The following KANSL1 variants were observed in gnomAD, a reference collection of about 807,000 sequenced individuals.
The protein encoded by KANSL1 is KAT8 regulatory NSL complex subunit 1.
A neutral mutation model predicts 103.6 loss-of-function variants in KANSL1; 22 were observed. The observed-to-expected ratio is 0.21, with a 90% CI of 0.15 to 0.30. The LOEUF is 0.30. Ranked by LOEUF, KANSL1 falls within the 10% of genes least tolerant of loss-of-function variation. The pLI, the probability that KANSL1 is intolerant of heterozygous loss-of-function variation, is 1.00. For synonymous variants in KANSL1, 600 were observed against 527.6 expected (o/e 1.14, Z -1.88); for missense variants, 1,337 against 1,399.8 (o/e 0.96, Z 0.72).
At chr17:46,146,750 G>A (rs1407556400) in intron 2 of KANSL1, among the ~76,000 whole-genome samples, 2 of 115,334 alleles carry the variant, frequency 1.7e-5, no homozygotes, top group Non-Finnish European at 4.5e-5. Context: ...GGAGAATGGC[G>A]TGAACCCGGG....
At chr17:46,143,520 A>C (rs1474941105) in intron 2 of KANSL1, among the ~76,000 whole-genome samples, 5 of 150,120 alleles carry the variant, frequency 3.3e-5, no homozygotes, top group Non-Finnish European at 5.9e-5. Flanking sequence ...AAATAAATAA[A>C]AAGGCCGGGC....
At chr17:46,130,187 C>CAAAAAAAAAA (rs35017603) in intron 2 of KANSL1, among the ~76,000 whole-genome samples, 14 of 75,468 alleles carry the variant, frequency 1.9e-4, no homozygotes, top group Non-Finnish European at 2.7e-4. Context: ...ATCCTGTCTC[C>CAAAAAAAAAA]AAAAAAAAAA....
chr17:46,206,786 C>T (rs1196239971), intron 1 of KANSL1, among the ~76,000 whole-genome samples: 1 of 152,130 alleles, frequency 6.6e-6, no homozygotes, highest in Admixed American at 6.5e-5. Context: ...ACATCAAAAC[C>T]ACATGCAACA....
At chr17:46,189,654 C>G (rs1054153310) in intron 1 of KANSL1, among the ~76,000 whole-genome samples, 1 of 152,114 alleles carries the variant, frequency 6.6e-6, no homozygotes, top group Non-Finnish European at 1.5e-5. Context: ...GAGGCCGAGG[C>G]AGGTGGATCA....
intron 4 of KANSL1, among the ~76,000 whole-genome samples, chr17:46,069,429 T>C (rs565230900): frequency 2.0e-5 from 3 of 152,176 alleles, no homozygotes; most frequent in African/African-American, 7.2e-5. Context: ...AACCTGAAAG[T>C]AGTCCTAGAC....
chr17:46,046,581 T>C lies in KANSL1; in HGVS notation c.2020+3952A>G, dbSNP rs2077515824. Among the ~76,000 whole-genome samples the C allele has an allele frequency of 2.1e-5, 3 of 143,440 alleles. No homozygotes were observed. In the South Asian group the frequency reaches 6.6e-4, roughly 31 times the overall value. 94.1% of individuals were successfully genotyped at this position (143,440 alleles called of 152,430 possible). On this transcript the variant is annotated intron_variant, in intron 7 of 14. Transcript: ENST00000432791. ...AGCCAGGTGCGGTGGCTCATGCTTG[T>C]AATCCCAGCACTTTGGGAGGCCAAG... is the stretch of plus-strand genomic sequence containing the variant.
In KANSL1 at chr17:46,158,407, G is replaced by A. The variant is rs188808920; in HGVS notation, c.1289+12448C>T. ...GACAGTCTCGCTCAGTCGCCCAGCT[G>A]GAGTGCGGTGGCACGATCGATCTCG... On this transcript the variant is annotated intron_variant, in intron 2 of 14. Transcript: ENST00000432791. Among the ~76,000 whole-genome samples, 218 of 150,652 alleles carry A rather than the reference G, an allele frequency of 1.4e-3. 1 individual carries two copies. Among genetic ancestry groups the A allele is most frequent in the African/African-American group, 5.1e-3 (210 of 40,824 alleles).
At chr17:46,058,731 ACACACACACACACTCT>A (rs1190238546) in intron 6 of KANSL1, among the ~76,000 whole-genome samples, 9 of 87,094 alleles carry the variant, frequency 1.0e-4, no homozygotes, top group Middle Eastern at 5.6e-3. Flanking sequence ...ACACACACAC[ACACACACACACACTCT>A]CTCTCTCTCT....
At chr17:46,122,399 A>G (rs1418961332) in intron 2 of KANSL1, among the ~76,000 whole-genome samples, 1 of 152,250 alleles carries the variant, frequency 6.6e-6, no homozygotes, top group Admixed American at 6.5e-5. Flanking sequence ...TCATAAAGAT[A>G]AAGATGCATT....
Position 46,213,677 on chromosome 17 carries a change from G to A in KANSL1, c.-90+9994C>T, listed in dbSNP as rs541245868. ...CACACCTGTAATCCCAGTACTTTGT[G>A]GAGGCCGAGGTGGGTGGATCACCTG... On this transcript the variant is annotated intron_variant, in intron 1 of 14. Coordinates refer to the KANSL1 transcript ENST00000572904. 9.9e-5 allele frequency among the ~76,000 whole-genome samples: 15 copies of A among 151,848 alleles called. No individual in the cohort carries two copies. The South Asian group carries it at 2.9e-3, about 29-fold the overall frequency.
At chr17:46,050,947 T>A (rs1489767258) in intron 6 of KANSL1, among the ~76,000 whole-genome samples, 1 of 152,354 alleles carries the variant, frequency 6.6e-6, no homozygotes, top group East Asian at 1.9e-4. Context: ...TGATGAAATC[T>A]AACTACTTGA....
At chr17:46,139,296 C>CCAAAA (rs1555563205) in intron 2 of KANSL1, among the ~76,000 whole-genome samples, 2 of 139,474 alleles carry the variant, frequency 1.4e-5, no homozygotes, top group Non-Finnish European at 1.6e-5. Context: ...TTTCATAGGC[C>CCAAAA]AAAAAAAAAA....
rs1180820896 is a variant in KANSL1 at position 46,146,452 on chromosome 17, G to GA, written c.1289+24402dup. ...CTTTCCTCTACACTGATCCTAAATT[G>GA]AAAAAAAAAATTTTTTTTGGACTGC... is the stretch of plus-strand genomic sequence containing the variant. On this transcript the variant is annotated intron_variant, in intron 2 of 14. Coordinates refer to ENST00000432791, the MANE Select transcript of KANSL1 (RefSeq NM_015443.4). 2.4e-3 allele frequency among the ~76,000 whole-genome samples: 365 copies of GA among 151,386 alleles called. 1 individual carries two copies. The highest frequency in any genetic ancestry group is 4.8e-3 in the Admixed American group (73 of 15,202).
At chr17:46,117,475 A>T (rs768941789) in intron 2 of KANSL1, among the ~76,000 whole-genome samples, 1 of 152,254 alleles carries the variant, frequency 6.6e-6, no homozygotes, top group Non-Finnish European at 1.5e-5. Context: ...TGTATGCAGT[A>T]AGCATTCAAT....
At chr17:46,142,493 A>T (rs2044473565) in intron 2 of KANSL1, among the ~76,000 whole-genome samples, 3 of 152,090 alleles carry the variant, frequency 2.0e-5, no homozygotes, top group Admixed American at 1.3e-4. Flanking sequence ...ATAAGGGTGC[A>T]CTCCTGTGGT....
intron 2 of KANSL1, among the ~76,000 whole-genome samples, chr17:46,137,481 A>C (rs1457363744): frequency 6.6e-6 from 1 of 152,204 alleles, no homozygotes; most frequent in Non-Finnish European, 1.5e-5. Context: ...ATAGCAGCCA[A>C]TCAATATCTA....
rs1207571559 is a variant in KANSL1, at chr17:46,178,072, C to T, written c.-89-5840G>A. Among the ~76,000 whole-genome samples the T allele has an allele frequency of 4.6e-5, 7 of 152,280 alleles. No individual in the cohort carries two copies. The East Asian group carries it at 5.8e-4, about 13-fold the overall frequency. On this transcript the variant is annotated intron_variant, in intron 1 of 14. Transcript: ENST00000432791. The stretch of plus-strand genomic sequence containing the variant: ...GATTACAGGCATGAGCCACCACGCC[C>T]GGCCCATAGTAACATTCTTAAATTT...
chr17:46,170,258 T>C (rs1383938358), intron 2 of KANSL1: 3 of 152,420 alleles, frequency 2.0e-5, no homozygotes, highest in Admixed American at 2.0e-4. Flanking sequence ...TGGGCTTTTT[T>C]TTTTTTTTAA....
chr17:46,099,669 A>G (rs2042228648), intron 2 of KANSL1, among the ~76,000 whole-genome samples: 1 of 152,268 alleles, frequency 6.6e-6, no homozygotes, highest in Non-Finnish European at 1.5e-5. Flanking sequence ...TATTAGTGAA[A>G]TAACTGTTTT....
Sources: gnomAD v4.1 joint callset for allele counts (sites outside exome capture counted in the v4.1 genomes callset) on GRCh38, gnomAD v4.1.1 for gene constraint, MANE v1.5 for transcripts, NCBI Gene and HGNC (gene_info 2026-07-23, HGNC 2026-07-21) for gene names.